Variants in HSF2 observed in about 807,000 individuals in gnomAD.
HSF2 encodes the protein heat shock transcription factor 2, also known as heat shock factor protein 2.
Under a neutral mutation model 65.0 loss-of-function variants are expected in HSF2, and 21 were observed. The observed-to-expected ratio is 0.32, with a 90% CI of 0.23 to 0.47. The LOEUF is 0.47. HSF2 is among the 20% of genes least tolerant of loss of function. The pLI, the probability that HSF2 is intolerant of heterozygous loss-of-function variation, is 1.00. For synonymous variants in HSF2, 225 were observed against 219.1 expected, an observed-to-expected ratio of 1.03 and a Z score of -0.24; for missense variants, 499 against 628.1, an observed-to-expected ratio of 0.79 and a Z score of 2.20.
Position 122,407,719 on chromosome 6 carries a change from C to T in HSF2, c.94-4654C>T, listed in dbSNP as rs80155529. 3.7e-4 allele frequency among the ~76,000 whole-genome samples: 57 copies of T among 152,046 alleles called. 2 individuals are homozygous for T. In the East Asian group the frequency reaches 0.011, roughly 29 times the overall value. ...TAGCACCTTTACTGAGTAGTTCTTCCTTTTCCAATGATCTATATTGCCACT... is the reference window on the plus strand; with the variant it reads ...TAGCACCTTTACTGAGTAGTTCTTCTTTTTCCAATGATCTATATTGCCACT... On this transcript the variant is annotated intron_variant, in intron 1 of 12. Coordinates refer to ENST00000368455, the MANE Select transcript of HSF2 (RefSeq NM_004506.4).
Position 122,422,286 on chromosome 6 carries a change from C to T in HSF2, c.818C>T (p.Ser273Phe). The T allele has an allele frequency of 6.3e-7, 1 of 1,597,648 alleles. No individual in the cohort carries two copies. Among genetic ancestry groups the T allele is most frequent in the Non-Finnish European group, 8.6e-7 (1 of 1,166,654 alleles). The stretch of plus-strand genomic sequence containing the variant: ...CCAGAAACTAATGAGGATGTTATAT[C>T]TGATCCCTCCAAGTAAGGAGTTTGT... ...VIPETNEDVI[S>F]DPSNCSQYPD... Residue 273 changes from serine (S) to phenylalanine (F), a missense_variant, in exon 8 of 13, where the codon TCT becomes TTT. Ser to Phe is a radical substitution (Grantham distance 155, BLOSUM62 -2). Transcript: ENST00000368455.
At chr6:122,407,709 G>C (rs183052134) in intron 1 of HSF2, among the ~76,000 whole-genome samples, 133 of 152,114 alleles carry the variant, frequency 8.7e-4, no homozygotes, top group Admixed American at 1.5e-3. Flanking sequence ...CCTTTACTGA[G>C]TAGTTCTTCC....
At chr6:122,431,678 C>CT (rs964104544) in intron 12 of HSF2, among the ~76,000 whole-genome samples, 164 bp downstream of exon 12, 2 of 35,326 alleles carry the variant, frequency 5.7e-5, no homozygotes, top group Non-Finnish European at 1.1e-4. Flanking sequence ...GGTAACAATT[C>CT]TTTAAGTTTT....
At position 122,431,968 on chromosome 6, in the gene HSF2, C is replaced by A; in HGVS notation, c.1359C>A (p.Phe453Leu). ...IQYTAFPLLA[F>L]LDGNPASSVE... Reference sequence around the variant, plus strand: ...ATACCGCCTTTCCACTTCTTGCATTCCTCGATGGGAACCCTGCTTCTTCTG... The same window carrying A: ...ATACCGCCTTTCCACTTCTTGCATTACTCGATGGGAACCCTGCTTCTTCTG... Residue 453 changes from phenylalanine to leucine, a missense_variant, in exon 13 of 13, where the codon TTC becomes TTA. By Grantham distance (22) the Phe-to-Leu change is conservative. This residue lies in a region of HSF2 where 349 missense variants were observed against 393.5 expected (regional missense o/e 0.89). Transcript: ENST00000368455. 1.9e-6 allele frequency: 3 copies of A among 1,613,994 alleles called. No individual in the cohort carries two copies. The highest frequency in any genetic ancestry group is 2.5e-6 in the Non-Finnish European group (3 of 1,179,920).
In HSF2 at chr6:122,423,627, G is replaced by A; in HGVS notation, c.1117G>A (p.Asp373Asn). The stretch of plus-strand genomic sequence containing the variant: ...TGACAGTATTGACTGCAGTTTAGAG[G>A]ACTTCCAGGCCATGCTATCAGGAAG... Reference protein sequence around the residue: ...YLDSIDCSLEDFQAMLSGRQF... With the variant: ...YLDSIDCSLENFQAMLSGRQF... Residue 373 changes from aspartate (D) to asparagine (N), a missense_variant, in exon 10 of 13, where the codon GAC becomes AAC. Around this residue, in one of 2 missense-constraint regions of HSF2, gnomAD observed 349 missense variants for 393.5 expected, o/e 0.89. Transcript: ENST00000368455. 1 of 1,610,772 alleles carries A rather than the reference G, an allele frequency of 6.2e-7. No homozygotes were observed. The highest frequency in any genetic ancestry group is 8.5e-7 in the Non-Finnish European group (1 of 1,178,070).
chr6:122,413,559 G>A lies in HSF2; in HGVS notation c.365G>A (p.Arg122His), dbSNP rs777061061. Residue 122 changes from arginine (R) to histidine (H), a missense_variant, in exon 4 of 13, where the codon CGT (arginine) becomes CAT (histidine). Physicochemically the swap from Arg to His is conservative, Grantham distance 29 (BLOSUM62 0). Coordinates refer to ENST00000368455, the MANE Select transcript of HSF2 (RefSeq NM_004506.4). ...SSSKPEENKI[R>H]QEDLTKIISS... is the part of the protein sequence containing the mutation. ...TCAAAACCAGAAGAAAATAAAATTC[G>A]TCAGGAAGATTTAACAAAAATTATA... 26 of 1,587,794 alleles carry A rather than the reference G, an allele frequency of 1.6e-5. No individual in the cohort carries two copies. Among genetic ancestry groups the A allele is most frequent in the African/African-American group, 2.7e-5 (2 of 74,208 alleles).
chr6:122,416,365 G>T, intron 5 of HSF2, 69 bp downstream of exon 5: 1 of 952,714 alleles, frequency 1.0e-6, no homozygotes, highest in East Asian at 2.5e-5. Context: ...GACCCAAAAA[G>T]GTCTTTATTG....
intron 1 of HSF2, among the ~76,000 whole-genome samples, chr6:122,403,022 A>G (rs1241071325): frequency 1.3e-5 from 2 of 151,636 alleles, no homozygotes; most frequent in Non-Finnish European, 2.9e-5. Context: ...TTTTTTTTTC[A>G]ATGGTGGAAA....
chr6:122,401,392 T>G (rs550663418), intron 1 of HSF2, among the ~76,000 whole-genome samples: 3 of 152,234 alleles, frequency 2.0e-5, no homozygotes, highest in Non-Finnish European at 4.4e-5. Flanking sequence ...GAAAGCTGAC[T>G]TTATCATACC....
intron 1 of HSF2, among the ~76,000 whole-genome samples, chr6:122,405,109 G>A (rs1190758774): frequency 2.0e-5 from 3 of 151,982 alleles, no homozygotes; most frequent in African/African-American, 4.8e-5. Context: ...ACATTGAGTG[G>A]TGGATATCAA....
chr6:122,405,714 A>T (rs1338217808), intron 1 of HSF2, among the ~76,000 whole-genome samples: 1 of 152,246 alleles, frequency 6.6e-6, no homozygotes, highest in Non-Finnish European at 1.5e-5. Context: ...TATAAAAAAA[A>T]GTTTAAATAG....
At chr6:122,399,576 G>C, upstream of HSF2, 1 of 593,080 alleles carries the variant, frequency 1.7e-6, no homozygotes, top group South Asian at 2.0e-5. Context: ...GCGGCCGCCC[G>C]GCCTCTCGGC....
chr6:122,422,401 T>A, intron 8 of HSF2, 103 bp downstream of exon 8: 1 of 935,550 alleles, frequency 1.1e-6, no homozygotes, highest in Non-Finnish European at 1.7e-6. Flanking sequence ...ATAATCTTTC[T>A]CACATTTGGA....
chr6:122,412,472 C>T lies in HSF2; in HGVS notation c.193C>T (p.Leu65=). The T allele has an allele frequency of 3.1e-6, 5 of 1,599,400 alleles. No homozygotes were observed. Among genetic ancestry groups the T allele is most frequent in the Non-Finnish European group, 4.3e-6 (5 of 1,166,988 alleles). The change falls in exon 2 of 13, where the codon CTG becomes TTG. Residue 65 remains leucine, a synonymous_variant. Transcript: ENST00000368455. ...HNNMASFVRQ[L]NMYGFRKVVH... ...TAATATGGCAAGCTTTGTGAGGCAA[C>T]TGAATATGTGTGAGTATGGACAGCA...
In HSF2 at chr6:122,422,937, T is replaced by C. The variant is rs764237873; in HGVS notation, c.1050T>C (p.Asp350=). Residue 350 remains aspartate (D), a synonymous_variant, in exon 9 of 13, where the codon GAT becomes GAC. Transcript: ENST00000368455. The part of the protein sequence containing the change: ...PVTMMDSILN[D]NINLLGKVEL... ...CCATGATGGATTCCATTTTGAATGA[T>C]AACATCAATCTTTTGGGAAAGTGAG... 2.5e-6 allele frequency: 4 copies of C among 1,613,506 alleles called. No individual in the cohort carries two copies. Among genetic ancestry groups the C allele is most frequent in the Admixed American group, 1.7e-5 (1 of 59,904 alleles).
chr6:122,426,291 C>A (rs1362004377), intron 10 of HSF2, among the ~76,000 whole-genome samples: 1 of 152,018 alleles, frequency 6.6e-6, no homozygotes, highest in Admixed American at 6.6e-5. Context: ...ACTGGTAACC[C>A]AGAGTGGGGT....
intron 3 of HSF2, 50 bp from the exon 4 acceptor site, chr6:122,413,475 A>G (rs1774046534): frequency 5.0e-6 from 7 of 1,391,772 alleles, no homozygotes; most frequent in African/African-American, 1.5e-5. Flanking sequence ...TTGAATTACA[A>G]TCATGGGTGT....
At chr6:122,428,390 C>T (rs186286510) in intron 11 of HSF2, among the ~76,000 whole-genome samples, 2 of 151,596 alleles carry the variant, frequency 1.3e-5, no homozygotes, top group Non-Finnish European at 2.9e-5. Flanking sequence ...TTATTTATTG[C>T]AGAAAAGGGA....
At chr6:122,429,951 A>T (rs978780264) in intron 11 of HSF2, among the ~76,000 whole-genome samples, 4 of 152,096 alleles carry the variant, frequency 2.6e-5, no homozygotes, top group Non-Finnish European at 5.9e-5. Context: ...TTTATCAGGG[A>T]TATTGGCCTG....
Sources: allele counts gnomAD v4.1 joint callset (sites outside exome capture counted in the v4.1 genomes callset), GRCh38; gene constraint gnomAD v4.1.1; regional missense constraint gnomAD v4.1.1; transcripts MANE v1.5; gene names NCBI Gene and HGNC (gene_info 2026-07-23, HGNC 2026-07-21).